MCU: variants seen among roughly 807,000 people sequenced by gnomAD.
MCU encodes the protein calcium uniporter protein, mitochondrial.
MCU carries 12 observed loss-of-function variants against 45.2 expected under a neutral mutation model. That is an observed-to-expected ratio of 0.27 (90% CI 0.17 to 0.43). MCU has a LOEUF of 0.43. Among genes scored for constraint, MCU ranks in the 20% least tolerant of loss-of-function variants. The pLI is 1.00. For synonymous variants in MCU, 160 were observed against 165.1 expected (o/e 0.97, Z 0.24); for missense variants, 324 against 436.7 (o/e 0.74, Z 2.30).
At chr10:72,776,480 C>G (rs2132744777) in intron 1 of MCU, among the ~76,000 whole-genome samples, 1 of 152,222 alleles carries the variant, frequency 6.6e-6, no homozygotes, top group South Asian at 2.1e-4. Context: ...ATCATTGTTT[C>G]AACAGATGCT....
At chr10:72,766,703 T>C (rs1817583680) in intron 1 of MCU, 1 of 152,232 alleles carries the variant, frequency 6.6e-6, no homozygotes, top group Non-Finnish European at 1.5e-5. Context: ...CTTCATAGCC[T>C]TCTGATCCTG....
intron 1 of MCU, among the ~76,000 whole-genome samples, chr10:72,787,468 C>T (rs558223586): frequency 6.6e-6 from 1 of 152,134 alleles, no homozygotes; most frequent in Admixed American, 6.5e-5. Context: ...GGGGTTTCAC[C>T]ATGTTGGCCA....
intron 1 of MCU, chr10:72,692,561 G>A (rs1380150173): frequency 1.8e-6 from 2 of 1,091,820 alleles, no homozygotes; most frequent in East Asian, 1.2e-4. Flanking sequence ...CACCAGGGCG[G>A]GGAAGGCACG....
chr10:72,698,725 G>C (rs1842719599), intron 1 of MCU, among the ~76,000 whole-genome samples: 1 of 152,142 alleles, frequency 6.6e-6, no homozygotes, highest in African/African-American at 2.4e-5. Flanking sequence ...GGCTGGTCTT[G>C]AGCTCCTGAC....
intron 2 of MCU, among the ~76,000 whole-genome samples, chr10:72,854,199 G>A (rs1263650862): frequency 2.6e-5 from 4 of 152,074 alleles, no homozygotes; most frequent in Admixed American, 6.5e-5. Flanking sequence ...AGGCTGAGGC[G>A]GGAGTATCCA....
In MCU at chr10:72,845,211, G is replaced by A. The variant is rs572222037; in HGVS notation, c.220+10783G>A. ...AAGGGCAGACTATTTAATAAATGGT[G>A]CTATTACAGTCAACTTCTCTACATT... On this transcript the variant is annotated intron_variant, in intron 2 of 7. Transcript: ENST00000373053. 4.1e-4 allele frequency among the ~76,000 whole-genome samples: 63 copies of A among 152,154 alleles called. 1 individual carries two copies. The highest frequency in any genetic ancestry group is 1.5e-3 in the African/African-American group (62 of 41,524).
chr10:72,740,314 G>A (rs1322746199), intron 1 of MCU, among the ~76,000 whole-genome samples: 1 of 150,908 alleles, frequency 6.6e-6, no homozygotes, highest in Non-Finnish European at 1.5e-5. Flanking sequence ...GGGAGGCAGA[G>A]ATTGCAGTGA....
In MCU at chr10:72,778,978, C is replaced by CT. The variant is rs1274704688; in HGVS notation, c.151-55372dup. 1.4e-3 allele frequency among the ~76,000 whole-genome samples: 215 copies of CT among 151,074 alleles called. 2 individuals carry two copies. Among genetic ancestry groups the CT allele is most frequent in the Middle Eastern group, 6.8e-3 (2 of 292 alleles). Reference sequence around the variant, plus strand: ...GAATTCAGAAGTATATTTTCTTTTTCTTTTTTTTTGGAGATGGAGTCTCAC... The same window carrying CT: ...GAATTCAGAAGTATATTTTCTTTTTCTTTTTTTTTTGGAGATGGAGTCTCAC... On this transcript the variant is annotated intron_variant, in intron 1 of 7. Transcript: ENST00000373053.
chr10:72,833,388 C>T (rs1844908134), intron 1 of MCU, among the ~76,000 whole-genome samples: 1 of 152,200 alleles, frequency 6.6e-6, no homozygotes, highest in African/African-American at 2.4e-5. Context: ...GTCAGTCTTA[C>T]ATTTCTGCAT....
At chr10:72,779,033 G>A (rs1564554196) in intron 1 of MCU, among the ~76,000 whole-genome samples, 1 of 152,030 alleles carries the variant, frequency 6.6e-6, no homozygotes, top group Admixed American at 6.6e-5. Context: ...GCTGTGGCAC[G>A]ATCTTGGCTC....
intron 6 of MCU, among the ~76,000 whole-genome samples, chr10:72,883,310 C>A (rs899962834): frequency 6.6e-6 from 1 of 152,104 alleles, no homozygotes; most frequent in African/African-American, 2.4e-5. Context: ...AATGATTGTA[C>A]AACTCTGTGA....
At chr10:72,779,879 A>C (rs1265260097) in intron 1 of MCU, among the ~76,000 whole-genome samples, 1 of 152,208 alleles carries the variant, frequency 6.6e-6, no homozygotes, top group African/African-American at 2.4e-5. Flanking sequence ...CTGCCTCTCA[A>C]AATGTTGAAC....
At chr10:72,838,384 C>T (rs944500098) in intron 2 of MCU, among the ~76,000 whole-genome samples, 3 of 152,078 alleles carry the variant, frequency 2.0e-5, no homozygotes. Context: ...GAGGCCAAGG[C>T]AGGAGGATCT....
At position 72,692,883 on chromosome 10, in the gene MCU, C is replaced by G. The variant is rs866721399; in HGVS notation, c.150+582C>G. 12 of 1,462,220 alleles carry G rather than the reference C, an allele frequency of 8.2e-6. No homozygotes were observed. The South Asian group carries it at 9.7e-5, about 12-fold the overall frequency. 90.6% of individuals were successfully genotyped at this position (1,462,220 alleles called of 1,614,324 possible). ...ACTTTATTCCCCTCTGTGACTTCCT[C>G]TGTGTGTGTGCATGGGGAACCGGCT... is the stretch of plus-strand genomic sequence containing the variant. On this transcript the variant is annotated intron_variant, in intron 1 of 7. Transcript: ENST00000373053.
At chr10:72,700,643 A>C (rs1025801358) in intron 1 of MCU, among the ~76,000 whole-genome samples, 3 of 152,182 alleles carry the variant, frequency 2.0e-5, no homozygotes, top group Non-Finnish European at 4.4e-5. Context: ...TAACTTCATA[A>C]ATTTTTTCAC....
intron 1 of MCU, among the ~76,000 whole-genome samples, chr10:72,694,405 T>C (rs1842661923): frequency 6.6e-6 from 1 of 152,212 alleles, no homozygotes; most frequent in Non-Finnish European, 1.5e-5. Context: ...TATTCTCACC[T>C]CTTATTGTGT....
intron 1 of MCU, among the ~76,000 whole-genome samples, chr10:72,781,511 G>A (rs994230535): frequency 2.0e-5 from 3 of 152,228 alleles, no homozygotes; most frequent in Non-Finnish European, 4.4e-5. Context: ...AGTATTTGAA[G>A]TATCATTCAT....
chr10:72,698,561 G>A (rs189350165), intron 1 of MCU, among the ~76,000 whole-genome samples: 231 of 152,326 alleles, frequency 1.5e-3, no homozygotes, highest in South Asian at 5.0e-3. Flanking sequence ...CTGGAGTGCA[G>A]TGGCGCAATC....
chr10:72,710,224 C>G (rs1382554322), intron 1 of MCU, among the ~76,000 whole-genome samples: 1 of 152,124 alleles, frequency 6.6e-6, no homozygotes, highest in African/African-American at 2.4e-5. Context: ...GATCTGCCCC[C>G]CTCAGCCTCC....
Sources: gnomAD v4.1 joint callset for allele counts (sites outside exome capture counted in the v4.1 genomes callset) on GRCh38, gnomAD v4.1.1 for gene constraint, MANE v1.5 for transcripts, NCBI Gene and HGNC (gene_info 2026-07-23, HGNC 2026-07-21) for gene names.